The following TGFBR3 variants were observed in gnomAD, a reference collection of about 807,000 sequenced individuals.
TGFBR3 encodes the protein transforming growth factor beta receptor type 3.
Under a neutral mutation model 87.9 loss-of-function variants are expected in TGFBR3, and 46 were observed. That is an observed-to-expected ratio of 0.52 (90% CI 0.41 to 0.67). The LOEUF is 0.67. Ranked by LOEUF, TGFBR3 falls within the 30% of genes least tolerant of loss-of-function variation. TGFBR3 has a pLI of 0.00. For synonymous variants in TGFBR3, 381 were observed against 391.6 expected (o/e 0.97, Z 0.32); for missense variants, 866 against 1,041.9 (o/e 0.83, Z 2.32).
chr1:91,718,070 T>G (rs748079122), intron 10 of TGFBR3, among the ~76,000 whole-genome samples: 4 of 152,178 alleles, frequency 2.6e-5, no homozygotes. Context: ...AAATTAATTA[T>G]TTGAGTAACA....
chr1:91,803,274 A>G (rs907952914), intron 2 of TGFBR3, among the ~76,000 whole-genome samples: 9 of 152,170 alleles, frequency 5.9e-5, no homozygotes, highest in Admixed American at 2.0e-4. Context: ...CCTTTCTTCA[A>G]GTGCCAGCTG....
At position 91,758,677 on chromosome 1, in the gene TGFBR3, G is replaced by C. The variant is rs999250564; in HGVS notation, c.320C>G (p.Pro107Arg). 2 of 1,614,014 alleles carry C rather than the reference G, an allele frequency of 1.2e-6. No homozygotes were observed. Among genetic ancestry groups the C allele is most frequent in the Non-Finnish European group, 1.7e-6 (2 of 1,179,924 alleles). ...HKSVVFLLNS[P>R]HPLVWHLKTE... ...CTTCAGATGCCACACCAGGGGGTGT[G>C]GGGAGTTGAGCAGGAACACAACAGA... The change falls in exon 4 of 17, where the codon CCA becomes CGA. Residue 107 changes from proline (P) to arginine (R), a missense_variant. Transcript: ENST00000212355.
At chr1:91,800,330 A>ATATGTGTGTGTGTG (rs1553168326) in intron 2 of TGFBR3, among the ~76,000 whole-genome samples, 6 of 136,220 alleles carry the variant, frequency 4.4e-5, no homozygotes, top group African/African-American at 1.7e-4. Flanking sequence ...ATATGTGTAT[A>ATATGTGTGTGTGTG]TGTGTGTGTG....
chr1:91,789,621 T>A (rs990841754), intron 3 of TGFBR3, among the ~76,000 whole-genome samples: 4 of 152,212 alleles, frequency 2.6e-5, no homozygotes, highest in Non-Finnish European at 4.4e-5. Flanking sequence ...GTGTTTGCTA[T>A]TACCTCTCTG....
At chr1:91,795,819 C>T (rs1032584756) in intron 3 of TGFBR3, among the ~76,000 whole-genome samples, 1 of 152,180 alleles carries the variant, frequency 6.6e-6, no homozygotes, top group Non-Finnish European at 1.5e-5. Flanking sequence ...ATATGAGTTG[C>T]AGCAACAATG....
chr1:91,890,920 C>T (rs183238848), upstream of TGFBR3, among the ~76,000 whole-genome samples: 325 of 149,434 alleles, frequency 2.2e-3, no homozygotes, highest in African/African-American at 7.5e-3. Flanking sequence ...TTTTTTGAAA[C>T]GGAGTCTTGC....
rs569566662 is a variant in TGFBR3 at position 91,882,572 on chromosome 1, G to A, written c.-114+3306C>T. Among the ~76,000 whole-genome samples the A allele has an allele frequency of 3.4e-3, 511 of 151,974 alleles. 10 individuals are homozygous for A. The highest frequency in any genetic ancestry group is 2.9e-3 in the Non-Finnish European group (200 of 67,938). On this transcript the variant is annotated intron_variant, in intron 1 of 16. Transcript: ENST00000212355. ...TTCCTGGCTAACACGGTGAAACCCC[G>A]TCTCTACTAAAAATACAAAAAAATT...
chr1:91,832,841 A>T (rs1676900047), intron 2 of TGFBR3, among the ~76,000 whole-genome samples: 1 of 151,860 alleles, frequency 6.6e-6, no homozygotes. Context: ...TGTCTCTATT[A>T]AAAATACAAA....
chr1:91,727,489 G>C (rs896855606), intron 7 of TGFBR3, among the ~76,000 whole-genome samples, 170 bp downstream of exon 7: 5 of 152,206 alleles, frequency 3.3e-5, no homozygotes, highest in African/African-American at 1.2e-4. Context: ...GGCCATGTTT[G>C]AACAACCGCA....
At chr1:91,786,274 G>C (rs1674956682) in intron 3 of TGFBR3, 1 of 456,100 alleles carries the variant, frequency 2.2e-6, no homozygotes, top group Non-Finnish European at 4.4e-6. Context: ...ATTTAGAGAA[G>C]TTTGGTTTTA....
chr1:91,885,364 G>GC (rs572409638), intron 1 of TGFBR3, among the ~76,000 whole-genome samples: 7 of 141,276 alleles, frequency 5.0e-5, no homozygotes, highest in South Asian at 5.0e-4. Flanking sequence ...AACCGGGGCG[G>GC]GGGGGGGCCG....
At chr1:91,751,058 C>G (rs1413667080) in intron 4 of TGFBR3, among the ~76,000 whole-genome samples, 1 of 152,190 alleles carries the variant, frequency 6.6e-6, no homozygotes, top group Non-Finnish European at 1.5e-5. Flanking sequence ...TCCTCCACAG[C>G]TAGCACAGTT....
intron 3 of TGFBR3, among the ~76,000 whole-genome samples, chr1:91,768,488 T>C (rs1159458910): frequency 6.6e-6 from 1 of 152,176 alleles, no homozygotes; most frequent in Non-Finnish European, 1.5e-5. Context: ...CCAAATCTCA[T>C]GTTGAACTGT....
intron 4 of TGFBR3, among the ~76,000 whole-genome samples, chr1:91,750,169 G>A (rs776328911): frequency 2.0e-5 from 3 of 152,192 alleles, no homozygotes; most frequent in South Asian, 2.1e-4. Flanking sequence ...CTACACTTGC[G>A]TGAACCCTCC....
At chr1:91,708,832 C>T in intron 13 of TGFBR3, 49 bp from the exon 14 acceptor site, 1 of 1,607,276 alleles carries the variant, frequency 6.2e-7, no homozygotes, top group Non-Finnish European at 8.5e-7. Flanking sequence ...CTCAAAAGTG[C>T]CTTCACCAGC....
At chr1:91,851,259 G>C (rs1449550414) in intron 2 of TGFBR3, among the ~76,000 whole-genome samples, 2 of 152,104 alleles carry the variant, frequency 1.3e-5, no homozygotes, top group African/African-American at 2.4e-5. Context: ...GCATTTTTCA[G>C]CCCTCTAGAA....
In TGFBR3 at chr1:91,797,295, G is replaced by A; in HGVS notation, c.238C>T (p.Gln80Ter). The change falls in exon 3 of 17, where the codon CAG becomes TAG. Residue 80 changes from glutamine to a stop codon, truncating the protein, a stop_gained. Transcript: ENST00000212355. LOFTEE classifies it high-confidence loss of function. ...CTGACACCTGCACCTACCTCTCTCTGTAGCTGGCCAGGCCCCTGGCCTGCA... is the reference window on the plus strand; with the variant it reads ...CTGACACCTGCACCTACCTCTCTCTATAGCTGGCCAGGCCCCTGGCCTGCA... The part of the protein sequence containing the change: ...RTAGQGPGQL[Q>*]REVTLHLNPI... 1.2e-6 allele frequency: 2 copies of A among 1,614,168 alleles called. No homozygotes were observed. The highest frequency in any genetic ancestry group is 1.7e-6 in the Non-Finnish European group (2 of 1,180,030).
In TGFBR3 at chr1:91,806,064, C is replaced by T. The variant is rs1372666401; in HGVS notation, c.62-8593G>A. ...CTAAAATAAAATAAACTGCTCGGTT[C>T]ACACGTATCACCTTTGGTTGACTTA... is the stretch of plus-strand genomic sequence containing the variant. On this transcript the variant is annotated intron_variant, in intron 2 of 16. Coordinates refer to ENST00000212355, the MANE Select transcript of TGFBR3 (RefSeq NM_003243.5). Among the ~76,000 whole-genome samples, 7 of 152,224 alleles carry T rather than the reference C, an allele frequency of 4.6e-5. No homozygotes were observed. In the East Asian group the frequency reaches 1.3e-3, roughly 29 times the overall value.
At chr1:91,715,652 C>T (rs1672139172) in intron 12 of TGFBR3, among the ~76,000 whole-genome samples, 1 of 151,976 alleles carries the variant, frequency 6.6e-6, no homozygotes, top group South Asian at 2.1e-4. Context: ...TGATTATTAA[C>T]ATTATATATA....
Sources: allele counts gnomAD v4.1 joint callset (sites outside exome capture counted in the v4.1 genomes callset), GRCh38; gene constraint gnomAD v4.1.1; transcripts MANE v1.5; gene names NCBI Gene and HGNC (gene_info 2026-07-23, HGNC 2026-07-21).